WWTR1: variants seen among roughly 807,000 people sequenced by gnomAD.
WWTR1 encodes WW domain containing transcription regulator 1.
WWTR1 carries 13 observed loss-of-function variants against 40.1 expected under a neutral mutation model. The ratio of observed to expected loss-of-function variants is 0.32; its 90% CI spans 0.21 to 0.52. The LOEUF (loss-of-function observed/expected upper bound fraction) is 0.52, where lower values mean the gene tolerates loss of function less well. WWTR1 is among the 20% of genes least tolerant of loss of function. WWTR1 has a pLI of 0.97. For missense variants in WWTR1, 436 were observed against 523.1 expected (o/e 0.83, Z 1.63); for synonymous variants, 230 against 210.1 (o/e 1.09, Z -0.82).
chr3:149,651,992 A>ATTTTTTTTTTTTTTTTTTTTTTTTTTTT (rs368845286), intron 2 of WWTR1, among the ~76,000 whole-genome samples: 1 of 93,716 alleles, frequency 1.1e-5, no homozygotes, highest in Non-Finnish European at 2.0e-5. Context: ...CGCCCGGCTA[A>ATTTTTTTTTTTTTTTTTTTTTTTTTTTT]TTTTTTTTTT....
chr3:149,691,425 G>T (rs1714824149), intron 1 of WWTR1, among the ~76,000 whole-genome samples: 1 of 148,778 alleles, frequency 6.7e-6, no homozygotes, highest in South Asian at 2.1e-4. Context: ...GCCAGACTAG[G>T]AAAAAAAGAA....
At chr3:149,539,577 T>C (rs1483480036) in intron 4 of WWTR1, among the ~76,000 whole-genome samples, 1 of 151,832 alleles carries the variant, frequency 6.6e-6, no homozygotes, top group Non-Finnish European at 1.5e-5. Flanking sequence ...AGTTGTTGAC[T>C]ACCCAGGACA....
chr3:149,673,965 G>A (rs902359975), intron 1 of WWTR1, among the ~76,000 whole-genome samples: 6 of 150,654 alleles, frequency 4.0e-5, no homozygotes, highest in South Asian at 2.1e-4. Flanking sequence ...TAATCCCAGC[G>A]CACTTTGGAA....
At chr3:149,630,116 G>T (rs1484489951) in intron 2 of WWTR1, among the ~76,000 whole-genome samples, 1 of 152,136 alleles carries the variant, frequency 6.6e-6, no homozygotes, top group Non-Finnish European at 1.5e-5. Flanking sequence ...AAAGTGCTGG[G>T]ATTACAGGTG....
intron 1 of WWTR1, among the ~76,000 whole-genome samples, chr3:149,690,952 A>T (rs75684748): frequency 0.043 from 6,615 of 152,288 alleles, 258 homozygotes; most frequent in African/African-American, 0.11. Context: ...AACTTTGAAA[A>T]CTATATAAAC....
chr3:149,572,942 T>G lies in WWTR1; in HGVS notation c.490A>C (p.Asn164His). The G allele has an allele frequency of 6.2e-7, 1 of 1,613,758 alleles. No homozygotes were observed. Residue 164 changes from asparagine to histidine, a missense_variant, in exon 3 of 7, where the codon AAT becomes CAT. By Grantham distance (68) the Asn-to-His change is moderately conservative (BLOSUM62 1). Transcript: ENST00000360632. The part of the protein sequence containing the change: ...DPRKAMNQPL[N>H]HMNLHPAVSS... ...ACGGCAGGGTGGAGGTTCATATGAT[T>G]CAGAGGCTGATTCATCGCCTTCCTA... is the stretch of plus-strand genomic sequence containing the variant.
rs1713270766 is a variant in WWTR1, at chr3:149,656,987, G to T, written c.320C>A (p.Ala107Glu). The T allele has an allele frequency of 6.3e-7, 1 of 1,599,506 alleles. No individual in the cohort carries two copies. Among genetic ancestry groups the T allele is most frequent in the East Asian group, 2.2e-5 (1 of 44,642 alleles). The part of the protein sequence containing the change: ...GTGAGAAGSP[A>E]QQHAHLRQQS... ...CTGGCGGAGGTGCGCGTGCTGCTGCGCGGGGCTACCCGCAGCACCCGCGCC... is the reference window on the plus strand; with the variant it reads ...CTGGCGGAGGTGCGCGTGCTGCTGCTCGGGGCTACCCGCAGCACCCGCGCC... Residue 107 changes from alanine to glutamate, a missense_variant, in exon 2 of 7, where the codon GCG becomes GAG. Physicochemically the swap from Ala to Glu is moderately radical, Grantham distance 107. Transcript: ENST00000360632.
rs866520425 is a variant in WWTR1, at chr3:149,619,939, C to T, written c.431+36937G>A. 4.6e-5 allele frequency among the ~76,000 whole-genome samples: 7 copies of T among 152,248 alleles called. No individual in the cohort carries two copies. The South Asian group carries it at 1.2e-3, about 27-fold the overall frequency. ...AAATTTTGTTTTCCAAATTGGTGGT[C>T]CATTAGAAGCACCCAGGATTCCATC... On this transcript the variant is annotated intron_variant, in intron 2 of 6. Coordinates refer to ENST00000360632, the MANE Select transcript of WWTR1 (RefSeq NM_015472.6).
rs1713277666 is a variant in WWTR1 at position 149,657,033 on chromosome 3, C to A, written c.274G>T (p.Ala92Ser). The change falls in exon 2 of 7, where the codon GCG (alanine) becomes TCG (serine). Residue 92 changes from alanine to serine, a missense_variant. Coordinates refer to ENST00000360632, the MANE Select transcript of WWTR1 (RefSeq NM_015472.6). ...GCGCCGGTGCCCAGCTGCAGGGACG[C>A]GGGCGACGAGTGCGAGCGGACATGC... ...AQHVRSHSSP[A>S]SLQLGTGAGA... is the part of the protein sequence containing the mutation. 6.3e-7 allele frequency: 1 copy of A among 1,586,366 alleles called. No individual in the cohort carries two copies. The highest frequency in any genetic ancestry group is 1.8e-5 in the Admixed American group (1 of 56,760).
chr3:149,642,617 T>C (rs144994944), intron 2 of WWTR1, among the ~76,000 whole-genome samples: 19 of 149,482 alleles, frequency 1.3e-4, no homozygotes, highest in African/African-American at 4.4e-4. Flanking sequence ...CTACTAAAAA[T>C]ACAAAAAATT....
At chr3:149,704,965 A>G (rs1370905539), upstream of WWTR1, among the ~76,000 whole-genome samples, 1 of 152,102 alleles carries the variant, frequency 6.6e-6, no homozygotes, top group Non-Finnish European at 1.5e-5. Flanking sequence ...AGCTAATAAT[A>G]TCTTCAGAGA....
intron 5 of WWTR1, among the ~76,000 whole-genome samples, chr3:149,712,536 G>A (rs1715499448): frequency 6.6e-6 from 1 of 152,014 alleles, no homozygotes; most frequent in African/African-American, 2.4e-5. Flanking sequence ...TCACTAAACT[G>A]GATGTTTTTA....
chr3:149,563,521 T>A (rs933377043), intron 3 of WWTR1, among the ~76,000 whole-genome samples: 3 of 152,204 alleles, frequency 2.0e-5, no homozygotes, highest in African/African-American at 7.2e-5. Flanking sequence ...GCTTCAGCAT[T>A]CACTTACCCA....
In WWTR1 at chr3:149,517,693, G is replaced by A. The variant is rs1734849323; in HGVS notation, c.*3112C>T. 1 of 152,134 alleles carries A rather than the reference G, an allele frequency of 6.6e-6. No homozygotes were observed. The highest frequency in any genetic ancestry group is 6.5e-5 in the Admixed American group (1 of 15,272). The allele number at this position is 152,134 out of a possible 1,614,324, so 9.4% of individuals were successfully genotyped here. On this transcript the variant is annotated 3_prime_UTR_variant, in exon 7 of 7. Coordinates refer to ENST00000360632, the MANE Select transcript of WWTR1 (RefSeq NM_015472.6). ...CTGTTTTACCTGTTTCCTGTATATG[G>A]TGTAATCAGTGAAAGAAATGGCATT...
chr3:149,655,019 G>C (rs1339136013), intron 2 of WWTR1, among the ~76,000 whole-genome samples: 1 of 151,316 alleles, frequency 6.6e-6, no homozygotes, highest in Non-Finnish European at 1.5e-5. Flanking sequence ...CCAGCTACTC[G>C]GGAGGCTGAG....
At chr3:149,621,437 G>T (rs1342676950) in intron 2 of WWTR1, among the ~76,000 whole-genome samples, 1 of 151,990 alleles carries the variant, frequency 6.6e-6, no homozygotes, top group Non-Finnish European at 1.5e-5. Context: ...AATAAATAAG[G>T]CCCCGAGAGC....
chr3:149,660,952 T>C (rs1189434799), upstream of WWTR1, among the ~76,000 whole-genome samples: 2 of 152,246 alleles, frequency 1.3e-5, no homozygotes, highest in East Asian at 3.8e-4. Context: ...AGCCTCATGT[T>C]ATTTATACCT....
intron 1 of WWTR1, among the ~76,000 whole-genome samples, chr3:149,683,053 T>C (rs1714511279): frequency 6.6e-6 from 1 of 152,198 alleles, no homozygotes; most frequent in East Asian, 1.9e-4. Flanking sequence ...CTATATTAGC[T>C]GAAATGCAAT....
chr3:149,577,065 G>C (rs1737917764), intron 2 of WWTR1, among the ~76,000 whole-genome samples: 1 of 152,130 alleles, frequency 6.6e-6, no homozygotes, highest in African/African-American at 2.4e-5. Context: ...GCTGAGGCAG[G>C]AGAATTGCTT....
Sources: allele counts gnomAD v4.1 joint callset (sites outside exome capture counted in the v4.1 genomes callset), GRCh38; gene constraint gnomAD v4.1.1; transcripts MANE v1.5; gene names NCBI Gene and HGNC (gene_info 2026-07-23, HGNC 2026-07-21).